The following PTCHD1 variants were observed in gnomAD, a reference collection of about 807,000 sequenced individuals.
The protein encoded by PTCHD1 is patched domain-containing protein 1.
A neutral mutation model predicts 34.6 loss-of-function variants in PTCHD1; 3 were observed. That is an observed-to-expected ratio of 0.09 (90% CI 0.04 to 0.22). PTCHD1 has a LOEUF of 0.22. Among genes scored for constraint, PTCHD1 ranks in the 10% least tolerant of loss-of-function variants. The probability of loss-of-function intolerance (pLI) is 1.00; values close to 1 mark genes in which losing one functional copy is unlikely to be tolerated. For missense variants in PTCHD1, 504 were observed against 685.5 expected, an observed-to-expected ratio of 0.74 and a Z score of 2.96; for synonymous variants, 305 against 283.1, an observed-to-expected ratio of 1.08 and a Z score of -0.77.
chrX:23,387,341 C>G (rs546137569), intron 2 of PTCHD1, among the ~76,000 whole-genome samples: 20 of 111,250 alleles, frequency 1.8e-4, no homozygotes, highest in African/African-American at 5.9e-4. Flanking sequence ...GAATTAATCT[C>G]TGAGGGTGCT....
chrX:23,357,038 G>A (rs1412981562), intron 1 of PTCHD1, among the ~76,000 whole-genome samples: 1 of 112,105 alleles, frequency 8.9e-6, no homozygotes, highest in East Asian at 2.8e-4. Flanking sequence ...ATCAGGAAGT[G>A]ACTAACTTAG....
intron 1 of PTCHD1, among the ~76,000 whole-genome samples, chrX:23,363,027 C>T (rs987207745): frequency 9.0e-6 from 1 of 111,710 alleles, no homozygotes; most frequent in African/African-American, 3.3e-5. Context: ...GAAGCTTCAT[C>T]CCAGAGGAGC....
intron 1 of PTCHD1, among the ~76,000 whole-genome samples, chrX:23,364,318 A>G (rs993277553): frequency 1.8e-5 from 2 of 108,962 alleles, no homozygotes; most frequent in African/African-American, 6.7e-5. Flanking sequence ...ATATGCACTT[A>G]ACATTTACAC....
At chrX:23,335,455 C>A (rs2146604641) in intron 1 of PTCHD1, among the ~76,000 whole-genome samples, 1 of 113,357 alleles carries the variant, frequency 8.8e-6, no homozygotes, top group South Asian at 3.6e-4. Flanking sequence ...TACCGCCACC[C>A]CGCAGCTGCT....
intron 1 of PTCHD1, chrX:23,350,864 T>C (rs991445756): frequency 7.8e-6 from 1 of 128,696 alleles, no homozygotes; most frequent in Non-Finnish European, 1.6e-5. Flanking sequence ...AAAGAAAGGG[T>C]TTCAGTCAAA....
intron 2 of PTCHD1, among the ~76,000 whole-genome samples, chrX:23,389,592 T>C (rs1161504670): frequency 8.9e-6 from 1 of 111,812 alleles, no homozygotes; most frequent in Admixed American, 9.5e-5. Context: ...TCAGGAATGG[T>C]GGTCGGGGCC....
At chrX:23,377,921 G>T (rs1421401507) in intron 1 of PTCHD1, among the ~76,000 whole-genome samples, 2 of 112,034 alleles carry the variant, frequency 1.8e-5, no homozygotes, top group African/African-American at 3.2e-5. Context: ...AAGGTAATGA[G>T]TTGTAGTGGC....
chrX:23,354,867 G>A (rs1057422928), intron 1 of PTCHD1, among the ~76,000 whole-genome samples: 2 of 106,726 alleles, frequency 1.9e-5, no homozygotes, highest in Non-Finnish European at 3.9e-5. Context: ...CACCACACCC[G>A]GCCAAAATTC....
At chrX:23,385,558 A>G (rs1922667616) in intron 2 of PTCHD1, among the ~76,000 whole-genome samples, 1 of 111,739 alleles carries the variant, frequency 8.9e-6, no homozygotes, top group Admixed American at 9.5e-5. Flanking sequence ...AATACCTAGT[A>G]TCTACATTTG....
chrX:23,385,044 A>G (rs1922652009), intron 2 of PTCHD1, among the ~76,000 whole-genome samples: 1 of 112,269 alleles, frequency 8.9e-6, no homozygotes, highest in African/African-American at 3.2e-5. Context: ...CAACTGATTT[A>G]TGAGGGTTTT....
chrX:23,381,990 G>A (rs373643235), intron 2 of PTCHD1, among the ~76,000 whole-genome samples: 19 of 111,654 alleles, frequency 1.7e-4, no homozygotes, highest in African/African-American at 6.2e-4. Flanking sequence ...TGGGGGTTAC[G>A]GGAAGGGTTT....
chrX:23,401,998 G>T lies in PTCHD1; in HGVS notation c.*7813G>T, dbSNP rs1160799208. 1.8e-5 allele frequency: 2 copies of T among 112,319 alleles called. No individual in the cohort carries two copies. The highest frequency in any genetic ancestry group is 3.8e-5 in the Non-Finnish European group (2 of 53,288). The allele number at this position is 112,319 out of a possible 1,213,427, so 9.3% of individuals were successfully genotyped here. On this transcript the variant is annotated 3_prime_UTR_variant, in exon 3 of 3. Coordinates refer to ENST00000379361, the MANE Select transcript of PTCHD1 (RefSeq NM_173495.3). The stretch of plus-strand genomic sequence containing the variant: ...CGACAGAGATCTCTTCCAAGGTATG[G>T]AATTGTGGAAATTTATTTAGAATAT...
chrX:23,343,214 C>T lies in PTCHD1; in HGVS notation c.351+7988C>T, dbSNP rs188023096. ...TTTCATCTTTGACAAATCTTGGTTTCAAACTTGTTGATAAGCAATAAGCAT... is the reference window on the plus strand; with the variant it reads ...TTTCATCTTTGACAAATCTTGGTTTTAAACTTGTTGATAAGCAATAAGCAT... On this transcript the variant is annotated intron_variant, in intron 1 of 2. Transcript: ENST00000379361. Among the ~76,000 whole-genome samples, 188 of 112,733 alleles carry T rather than the reference C, an allele frequency of 1.7e-3. 1 individual carries two copies. The highest frequency in any genetic ancestry group is 5.8e-3 in the African/African-American group (181 of 31,130).
In PTCHD1 at chrX:23,403,089, A is replaced by G. The variant is rs985774756; in HGVS notation, c.*8904A>G. The G allele has an allele frequency of 8.9e-6, 1 of 112,662 alleles. No homozygotes were observed. The highest frequency in any genetic ancestry group is 3.2e-5 in the African/African-American group (1 of 31,075). 9.3% of individuals were successfully genotyped at this position (112,662 alleles called of 1,213,427 possible). ...TAGTGAAAGAAGTTCCTGAAATTGCATATTACATTGTAAAGTTTTGGGCTA... is the reference window on the plus strand; with the variant it reads ...TAGTGAAAGAAGTTCCTGAAATTGCGTATTACATTGTAAAGTTTTGGGCTA... On this transcript the variant is annotated 3_prime_UTR_variant, in exon 3 of 3. Coordinates refer to ENST00000379361, the MANE Select transcript of PTCHD1 (RefSeq NM_173495.3).
rs1043724179 is a variant in PTCHD1 at position 23,336,047 on chromosome X, C to A, written c.351+821C>A. 1.4e-4 allele frequency among the ~76,000 whole-genome samples: 15 copies of A among 110,798 alleles called. 1 individual carries two copies. The highest frequency in any genetic ancestry group is 5.7e-5 in the Non-Finnish European group (3 of 52,915). ...TGAGAACAGAAGCCAGGCTGTGTGACCCCGAGAAGAGCACAGGAAACCGAG... is the reference window on the plus strand; with the variant it reads ...TGAGAACAGAAGCCAGGCTGTGTGAACCCGAGAAGAGCACAGGAAACCGAG... On this transcript the variant is annotated intron_variant, in intron 1 of 2. Coordinates refer to ENST00000379361, the MANE Select transcript of PTCHD1 (RefSeq NM_173495.3).
chrX:23,393,564 C>T lies in PTCHD1; in HGVS notation c.2046C>T (p.Phe682=). 2.5e-6 allele frequency: 3 copies of T among 1,211,445 alleles called. No individual in the cohort carries two copies. The highest frequency in any genetic ancestry group is 3.4e-6 in the Non-Finnish European group (3 of 895,178). The part of the protein sequence containing the change: ...SVTSKVKFIV[F]NPSFVYMDRY... ...CCTCCAAGGTGAAGTTCATCGTCTT[C>T]AATCCGTCCTTTGTATACATGGATC... The change falls in exon 3 of 3, where the codon TTC becomes TTT. Residue 682 remains phenylalanine, a synonymous_variant. Coordinates refer to ENST00000379361, the MANE Select transcript of PTCHD1 (RefSeq NM_173495.3).
At chrX:23,358,205 C>G (rs1340315425) in intron 1 of PTCHD1, among the ~76,000 whole-genome samples, 1 of 112,005 alleles carries the variant, frequency 8.9e-6, no homozygotes, top group African/African-American at 3.3e-5. Context: ...AAAGGTATTT[C>G]TACCTCTAGA....
At chrX:23,339,280 T>C (rs1032430262) in intron 1 of PTCHD1, among the ~76,000 whole-genome samples, 4 of 112,432 alleles carry the variant, frequency 3.6e-5, no homozygotes, top group Non-Finnish European at 7.5e-5. Context: ...TTGCAAGATA[T>C]CATTCTTCCC....
rs749280055 is a variant in PTCHD1, at chrX:23,379,843, C to G, written c.604C>G (p.Arg202Gly). 4.1e-6 allele frequency: 5 copies of G among 1,209,611 alleles called. No homozygotes were observed. The Admixed American group carries it at 6.6e-5, about 16-fold the overall frequency. Reference protein sequence around the residue: ...LGGVTVHSKDRVKSAEAIQLT... With the variant: ...LGGVTVHSKDGVKSAEAIQLT... Reference sequence around the variant, plus strand: ...GGGCGTCACTGTGCACAGCAAAGACCGGGTGAAATCTGCAGAGGCCATCCA... The same window carrying G: ...GGGCGTCACTGTGCACAGCAAAGACGGGGTGAAATCTGCAGAGGCCATCCA... Residue 202 changes from arginine (R) to glycine (G), a missense_variant, in exon 2 of 3, where the codon CGG (arginine) becomes GGG (glycine). Transcript: ENST00000379361.
Sources: allele counts gnomAD v4.1 joint callset (sites outside exome capture counted in the v4.1 genomes callset), GRCh38; gene constraint gnomAD v4.1.1; transcripts MANE v1.5; gene names NCBI Gene and HGNC (gene_info 2026-07-23, HGNC 2026-07-21).